DIAPH3: variants seen among roughly 807,000 people sequenced by gnomAD.
The protein encoded by DIAPH3 is diaphanous related formin 3, also known as protein diaphanous homolog 3.
DIAPH3 carries 117 observed loss-of-function variants against 144.3 expected under a neutral mutation model. The ratio of observed to expected loss-of-function variants is 0.81; its 90% CI spans 0.70 to 0.95. The LOEUF (loss-of-function observed/expected upper bound fraction) is 0.95. Ranked by LOEUF, DIAPH3 falls within the 40% of genes least tolerant of loss-of-function variation. DIAPH3 has a pLI of 0.00. For missense variants in DIAPH3, 1,421 were observed against 1,412.7 expected (o/e 1.01, Z -0.09); for synonymous variants, 519 against 488.9 (o/e 1.06, Z -0.81).
At chr13:59,828,207 C>T (rs572089682) in intron 24 of DIAPH3, among the ~76,000 whole-genome samples, 51 of 152,012 alleles carry the variant, frequency 3.4e-4, no homozygotes, top group Middle Eastern at 3.4e-3. Flanking sequence ...AAATCTATTA[C>T]GAAAAGATGC....
intron 27 of DIAPH3, among the ~76,000 whole-genome samples, chr13:59,716,490 A>C (rs576088221): frequency 6.6e-6 from 1 of 152,152 alleles, no homozygotes; most frequent in East Asian, 1.9e-4. Flanking sequence ...AAACATTTTT[A>C]AAAAAAGAGA....
chr13:60,032,695 G>C (rs1208575113), intron 5 of DIAPH3, among the ~76,000 whole-genome samples: 1 of 152,174 alleles, frequency 6.6e-6, no homozygotes, highest in East Asian at 1.9e-4. Flanking sequence ...TGATGGGAGG[G>C]GCTGCCAAAG....
intron 17 of DIAPH3, among the ~76,000 whole-genome samples, chr13:59,929,254 A>G (rs1206456763): frequency 6.6e-6 from 1 of 152,206 alleles, no homozygotes; most frequent in Non-Finnish European, 1.5e-5. Context: ...GTATATTACA[A>G]TTATATATTT....
intron 24 of DIAPH3, among the ~76,000 whole-genome samples, chr13:59,823,693 C>T (rs943681000): frequency 4.6e-5 from 7 of 152,082 alleles, no homozygotes; most frequent in African/African-American, 1.4e-4. Context: ...TTTGACATTC[C>T]TTTTGATGAT....
chr13:59,804,536 T>C (rs893991288), intron 25 of DIAPH3, among the ~76,000 whole-genome samples: 1 of 152,176 alleles, frequency 6.6e-6, no homozygotes, highest in African/African-American at 2.4e-5. Context: ...ATAATAAATA[T>C]AGGCTGGCAA....
At chr13:59,713,819 T>C (rs2034883982) in intron 27 of DIAPH3, among the ~76,000 whole-genome samples, 1 of 152,196 alleles carries the variant, frequency 6.6e-6, no homozygotes, top group South Asian at 2.1e-4. Flanking sequence ...CATATGTCTT[T>C]GGACATAGCT....
intron 20 of DIAPH3, among the ~76,000 whole-genome samples, chr13:59,903,164 GA>G (rs2046542331): frequency 6.6e-6 from 1 of 152,126 alleles, no homozygotes; most frequent in Non-Finnish European, 1.5e-5. Flanking sequence ...ATGGGTTCTT[GA>G]AAAAAATTAT....
intron 4 of DIAPH3, among the ~76,000 whole-genome samples, chr13:60,062,126 A>C (rs1322920553): frequency 6.6e-6 from 1 of 152,180 alleles, no homozygotes; most frequent in Non-Finnish European, 1.5e-5. Flanking sequence ...TTTTATGACT[A>C]CAAGATTAAA....
At chr13:59,824,978 CAG>C (rs1215566235) in intron 24 of DIAPH3, among the ~76,000 whole-genome samples, 2 of 152,006 alleles carry the variant, frequency 1.3e-5, no homozygotes, top group African/African-American at 4.8e-5. Flanking sequence ...ATTGCAAACT[CAG>C]AGAGTCCACA....
At chr13:60,119,787 T>C (rs2058799348) in intron 2 of DIAPH3, among the ~76,000 whole-genome samples, 1 of 151,382 alleles carries the variant, frequency 6.6e-6, no homozygotes, top group Non-Finnish European at 1.5e-5. Flanking sequence ...GATAAATCTT[T>C]GCTATTTTAA....
chr13:59,850,232 G>T (rs1164364812), intron 22 of DIAPH3, among the ~76,000 whole-genome samples: 3 of 151,846 alleles, frequency 2.0e-5, no homozygotes, highest in Non-Finnish European at 2.9e-5. Flanking sequence ...GAGACGATGG[G>T]GTTTTCTAGA....
chr13:60,111,662 AC>A (rs1185402333), intron 3 of DIAPH3, among the ~76,000 whole-genome samples: 4 of 151,586 alleles, frequency 2.6e-5, no homozygotes, highest in African/African-American at 7.3e-5. Context: ...CATCTCCACC[AC>A]CCCCCAAACG....
At position 59,741,264 on chromosome 13, in the gene DIAPH3, T is replaced by C. The variant is rs917089801; in HGVS notation, c.3319+32925A>G. ...ATAGGCATACTTTGAAAAGTGTATC[T>C]ATAGAGAACAAACACATAAACAAAA... On this transcript the variant is annotated intron_variant, in intron 27 of 27. Transcript: ENST00000400324. Among the ~76,000 whole-genome samples, 22 of 152,288 alleles carry C rather than the reference T, an allele frequency of 1.4e-4. 1 individual carries two copies. Among genetic ancestry groups the C allele is most frequent in the Admixed American group, 1.4e-3 (21 of 15,286 alleles).
At chr13:59,714,165 C>G (rs1224698917) in intron 27 of DIAPH3, among the ~76,000 whole-genome samples, 1 of 151,856 alleles carries the variant, frequency 6.6e-6, no homozygotes, top group African/African-American at 2.4e-5. Flanking sequence ...TCGAGACCAT[C>G]CCGGCTAACA....
intron 25 of DIAPH3, among the ~76,000 whole-genome samples, chr13:59,804,696 C>G (rs551646514): frequency 6.6e-6 from 1 of 151,970 alleles, no homozygotes; most frequent in African/African-American, 2.4e-5. Flanking sequence ...CCTTCTATAT[C>G]GAGAAATTAC....
At chr13:60,131,435 C>CAAAAAAAAAAAAAAA (rs777909368) in intron 2 of DIAPH3, among the ~76,000 whole-genome samples, 2 of 29,300 alleles carry the variant, frequency 6.8e-5, no homozygotes, top group East Asian at 1.1e-3. Flanking sequence ...GACCCTGTCT[C>CAAAAAAAAAAAAAAA]AAAAAAAAAA....
intron 17 of DIAPH3, among the ~76,000 whole-genome samples, chr13:59,941,385 G>T (rs892810159): frequency 2.6e-5 from 4 of 152,262 alleles, no homozygotes; most frequent in Admixed American, 2.6e-4. Flanking sequence ...CACCTCTGGA[G>T]GGTGTGCTCT....
At chr13:59,882,922 C>A (rs546067111) in intron 20 of DIAPH3, among the ~76,000 whole-genome samples, 2 of 151,974 alleles carry the variant, frequency 1.3e-5, no homozygotes, top group Non-Finnish European at 2.9e-5. Flanking sequence ...GTAACCCCCC[C>A]ACACACAGAT....
chr13:59,804,281 A>G (rs1359649868), intron 25 of DIAPH3, among the ~76,000 whole-genome samples: 1 of 152,196 alleles, frequency 6.6e-6, no homozygotes, highest in African/African-American at 2.4e-5. Context: ...AGGGAAAATA[A>G]TTCTCAATCT....
Sources: gnomAD v4.1 joint callset for allele counts (sites outside exome capture counted in the v4.1 genomes callset) on GRCh38, gnomAD v4.1.1 for gene constraint, MANE v1.5 for transcripts, NCBI Gene and HGNC (gene_info 2026-07-23, HGNC 2026-07-21) for gene names.